LRP1B: variants seen among roughly 807,000 people sequenced by gnomAD.
LRP1B encodes low-density lipoprotein receptor-related protein 1B.
LRP1B carries 217 observed loss-of-function variants against 556.6 expected under a neutral mutation model. The observed-to-expected ratio is 0.39, with a 90% CI of 0.35 to 0.44. LRP1B has a LOEUF of 0.44. Among genes scored for constraint, LRP1B ranks in the 20% least tolerant of loss-of-function variants. The probability of loss-of-function intolerance (pLI) is 1.00; values close to 1 mark genes in which losing one functional copy is unlikely to be tolerated. For synonymous variants in LRP1B, 2,047 were observed against 1,865.8 expected (o/e 1.10, Z -2.50); for missense variants, 5,053 against 5,620.8 (o/e 0.90, Z 3.23).
At chr2:141,396,247 T>G (rs538479657) in intron 3 of LRP1B, among the ~76,000 whole-genome samples, 36 of 152,276 alleles carry the variant, frequency 2.4e-4, no homozygotes, top group African/African-American at 8.7e-4. Flanking sequence ...TTCACAAAAT[T>G]TATACAATCG....
At chr2:140,486,875 A>G (rs2105365449) in intron 58 of LRP1B, among the ~76,000 whole-genome samples, 1 of 152,038 alleles carries the variant, frequency 6.6e-6, no homozygotes, top group Non-Finnish European at 1.5e-5. Context: ...GCACACTTTA[A>G]GATCTCATTA....
intron 1 of LRP1B, among the ~76,000 whole-genome samples, chr2:141,860,826 A>G (rs1698215865): frequency 6.6e-6 from 1 of 152,190 alleles, no homozygotes; most frequent in South Asian, 2.1e-4. Context: ...ATTACACTTC[A>G]TCTTCACAGC....
At chr2:141,217,997 A>ATT (rs1339221487) in intron 6 of LRP1B, among the ~76,000 whole-genome samples, 4 of 152,142 alleles carry the variant, frequency 2.6e-5, no homozygotes, top group African/African-American at 9.7e-5. Flanking sequence ...CATCACTAAT[A>ATT]ATCAGACAAA....
intron 6 of LRP1B, among the ~76,000 whole-genome samples, chr2:141,204,804 G>A (rs1682199858): frequency 6.6e-6 from 1 of 152,030 alleles, no homozygotes; most frequent in Non-Finnish European, 1.5e-5. Context: ...AGGTGCGGTG[G>A]CAGGTGCCTG....
chr2:141,827,122 T>C (rs1281317955), intron 1 of LRP1B, among the ~76,000 whole-genome samples: 2 of 152,232 alleles, frequency 1.3e-5, no homozygotes, highest in African/African-American at 2.4e-5. Context: ...TGTCACCTCA[T>C]TCTTAAAGTG....
intron 2 of LRP1B, among the ~76,000 whole-genome samples, chr2:141,686,685 A>G (rs968967377): frequency 3.3e-5 from 5 of 152,004 alleles, no homozygotes; most frequent in Non-Finnish European, 5.9e-5. Context: ...TCTCCTTCAA[A>G]ACTCATGTTG....
At chr2:141,298,966 A>AC (rs1255451817) in intron 3 of LRP1B, among the ~76,000 whole-genome samples, 1 of 151,512 alleles carries the variant, frequency 6.6e-6, no homozygotes, top group Non-Finnish European at 1.5e-5. Flanking sequence ...AAAAAAAAAA[A>AC]AAAAAACCCA....
rs528361960 is a variant in LRP1B at position 142,044,049 on chromosome 2, A to G, written c.82+86599T>C. 3.4e-4 allele frequency among the ~76,000 whole-genome samples: 52 copies of G among 151,896 alleles called. No individual in the cohort carries two copies. The South Asian group carries it at 0.011, about 31-fold the overall frequency. On this transcript the variant is annotated intron_variant, in intron 1 of 90. Transcript: ENST00000389484. ...TCTTCAATAACATATATCTTCAATA[A>G]CATATTTTATTTATGTCTATCACAA...
intron 3 of LRP1B, among the ~76,000 whole-genome samples, chr2:141,270,234 T>G (rs1685038892): frequency 6.6e-6 from 1 of 152,058 alleles, no homozygotes; most frequent in Non-Finnish European, 1.5e-5. Flanking sequence ...GAAATATCAC[T>G]TCACACTCAT....
chr2:140,968,661 G>T (rs1347419667), intron 18 of LRP1B, among the ~76,000 whole-genome samples: 3 of 152,024 alleles, frequency 2.0e-5, no homozygotes, highest in Admixed American at 6.6e-5. Flanking sequence ...TCTCTTGTGG[G>T]CCTTTAGTGC....
intron 3 of LRP1B, among the ~76,000 whole-genome samples, chr2:141,363,019 TA>T (rs1688889550): frequency 6.6e-6 from 1 of 152,218 alleles, no homozygotes; most frequent in South Asian, 2.1e-4. Context: ...CTTTATTTTT[TA>T]TTGCCCAATC....
chr2:140,351,009 T>C lies in LRP1B; in HGVS notation c.11680A>G (p.Asn3894Asp). ...ATAAAACCCAGGATATCAGTGTCAT[T>C]AGCAATGTAGAGAACTTGATCTTCA... ...GSEDQVLYIANDTDILGFIYP... is the reference protein window; with the variant it reads ...GSEDQVLYIADDTDILGFIYP... The change falls in exon 77 of 91, where the codon AAT becomes GAT. Residue 3894 changes from asparagine (N) to aspartate (D), a missense_variant. By Grantham distance (23) the Asn-to-Asp change is conservative. Around this residue, in one of 5 missense-constraint regions of LRP1B, gnomAD observed 599 missense variants for 648.4 expected, o/e 0.92. Transcript: ENST00000389484. 1 of 1,597,014 alleles carries C rather than the reference T, an allele frequency of 6.3e-7. No individual in the cohort carries two copies. The highest frequency in any genetic ancestry group is 2.3e-5 in the East Asian group (1 of 44,358).
chr2:141,775,186 T>C (rs1695024383), intron 2 of LRP1B, among the ~76,000 whole-genome samples: 1 of 152,214 alleles, frequency 6.6e-6, no homozygotes. Context: ...TAGCACATAC[T>C]CGTGGGTTAT....
intron 3 of LRP1B, among the ~76,000 whole-genome samples, chr2:141,368,145 G>C (rs1689109902): frequency 6.6e-6 from 1 of 152,166 alleles, no homozygotes. Context: ...ATTACCTTAG[G>C]ATATTTAATG....
At chr2:140,769,968 T>G (rs189669786) in intron 34 of LRP1B, among the ~76,000 whole-genome samples, 10 of 152,066 alleles carry the variant, frequency 6.6e-5, no homozygotes. Context: ...AATATTAAGC[T>G]AACTACCAGA....
At chr2:140,336,130 A>C (rs1681084057) in intron 77 of LRP1B, among the ~76,000 whole-genome samples, 2 of 151,936 alleles carry the variant, frequency 1.3e-5, no homozygotes, top group Admixed American at 1.3e-4. Context: ...TCCTGCAGTC[A>C]ATATTTTCCT....
intron 41 of LRP1B, among the ~76,000 whole-genome samples, chr2:140,672,111 T>G (rs915448648): frequency 6.6e-6 from 1 of 152,218 alleles, no homozygotes; most frequent in Non-Finnish European, 1.5e-5. Flanking sequence ...ATAAGTTATC[T>G]GTTCCGAAAA....
intron 2 of LRP1B, among the ~76,000 whole-genome samples, chr2:141,789,039 G>T (rs1351644629): frequency 6.6e-6 from 1 of 151,970 alleles, no homozygotes; most frequent in Non-Finnish European, 1.5e-5. Flanking sequence ...AATCCTTTGG[G>T]TATATACCCA....
rs555442653 is a variant in LRP1B, at chr2:140,840,026, C to T, written c.5174G>A (p.Ser1725Asn). ...CTTCTGATTCTGAAACAGAATCTTG[C>T]TATTACTGCCATCCATATTTGCCAT... ...INMANMDGSN[S>N]KILFQNQKEP... Residue 1725 changes from serine (S) to asparagine (N), a missense_variant, in exon 31 of 91, where the codon AGC becomes AAC. This residue lies in a region of LRP1B where 3,619 missense variants were observed against 3,931.9 expected (regional missense o/e 0.92). Coordinates refer to ENST00000389484, the MANE Select transcript of LRP1B (RefSeq NM_018557.3). 4.0e-5 allele frequency: 65 copies of T among 1,610,952 alleles called. No individual in the cohort carries two copies. Among genetic ancestry groups the T allele is most frequent in the Non-Finnish European group, 5.3e-5 (62 of 1,179,232 alleles).
Sources: gnomAD v4.1 joint callset for allele counts (sites outside exome capture counted in the v4.1 genomes callset) on GRCh38, gnomAD v4.1.1 for gene constraint, gnomAD v4.1.1 regional missense constraint, MANE v1.5 for transcripts, NCBI Gene and HGNC (gene_info 2026-07-23, HGNC 2026-07-21) for gene names.